NCAM1: variants seen among roughly 807,000 people sequenced by gnomAD.
NCAM1 encodes antigen recognized by monoclonal antibody 5.1H11.
Under a neutral mutation model 109.8 loss-of-function variants are expected in NCAM1, and 14 were observed. That is an observed-to-expected ratio of 0.13 (90% confidence interval 0.08 to 0.20). The LOEUF (loss-of-function observed/expected upper bound fraction) is 0.20, where lower values mean the gene tolerates loss of function less well. Among genes scored for constraint, NCAM1 ranks in the 10% least tolerant of loss-of-function variants. The pLI is 1.00. For missense variants in NCAM1, 774 were observed against 1,109.9 expected (o/e 0.70, Z 4.30); for synonymous variants, 418 against 442.9 (o/e 0.94, Z 0.70).
chr11:113,167,543 TA>T (rs113240328), intron 1 of NCAM1, among the ~76,000 whole-genome samples: 62 of 143,900 alleles, frequency 4.3e-4, no homozygotes, highest in East Asian at 2.7e-3. Context: ...TTTTTTTAAT[TA>T]AAAAAAAAAA....
chr11:113,267,784 C>T (rs1181091109), intron 17 of NCAM1, among the ~76,000 whole-genome samples: 2 of 152,324 alleles, frequency 1.3e-5, no homozygotes, highest in Admixed American at 6.5e-5. Flanking sequence ...GTGCCAGTGC[C>T]GCCCTCCAGC....
intron 1 of NCAM1, among the ~76,000 whole-genome samples, chr11:112,981,119 GTATCT>G (rs1951144098): frequency 6.6e-6 from 1 of 151,724 alleles, no homozygotes; most frequent in Non-Finnish European, 1.5e-5. Flanking sequence ...TACTACAGTA[GTATCT>G]TATGTTGTAT....
chr11:113,173,552 G>A, intron 1 of NCAM1, among the ~76,000 whole-genome samples: 1 of 145,942 alleles, frequency 6.9e-6, no homozygotes, highest in African/African-American at 2.5e-5. Context: ...ACTTCATTAT[G>A]GGAGTGGAAA....
intron 14 of NCAM1, among the ~76,000 whole-genome samples, chr11:113,241,545 C>T (rs1945326270): frequency 6.6e-6 from 1 of 152,192 alleles, no homozygotes; most frequent in Admixed American, 6.5e-5. Context: ...ATCATTACCA[C>T]CAAGCCAGCA....
intron 1 of NCAM1, among the ~76,000 whole-genome samples, chr11:113,099,417 C>T (rs891574445): frequency 1.3e-5 from 2 of 152,190 alleles, no homozygotes; most frequent in East Asian, 3.9e-4. Context: ...TATCACTCCA[C>T]GGTTGCATAA....
intron 1 of NCAM1, among the ~76,000 whole-genome samples, chr11:113,194,532 G>T (rs2136771948): frequency 6.6e-6 from 1 of 152,106 alleles, no homozygotes; most frequent in East Asian, 1.9e-4. Flanking sequence ...AGAGCCCAAG[G>T]GTCTCCTTCA....
At chr11:113,170,579 A>G (rs1224673322) in intron 1 of NCAM1, among the ~76,000 whole-genome samples, 1 of 152,088 alleles carries the variant, frequency 6.6e-6, no homozygotes, top group South Asian at 2.1e-4. Flanking sequence ...GGTCTTTGGG[A>G]GGGAAGGGAG....
At chr11:112,966,369 A>G (rs1950728280) in intron 1 of NCAM1, among the ~76,000 whole-genome samples, 1 of 152,238 alleles carries the variant, frequency 6.6e-6, no homozygotes, top group Admixed American at 6.5e-5. Context: ...ACTCTGAGCA[A>G]TGCTGTAAGA....
chr11:113,134,831 C>T (rs1941540408), intron 1 of NCAM1, among the ~76,000 whole-genome samples: 1 of 152,144 alleles, frequency 6.6e-6, no homozygotes, highest in Non-Finnish European at 1.5e-5. Flanking sequence ...GTCATGAATT[C>T]AAATCGTGTT....
chr11:113,175,892 G>A (rs183811232), intron 1 of NCAM1, among the ~76,000 whole-genome samples: 1 of 152,322 alleles, frequency 6.6e-6, no homozygotes, highest in Non-Finnish European at 1.5e-5. Context: ...GCAAGAAGTT[G>A]ATGAGAGGGT....
chr11:113,149,386 A>T (rs1942141858), intron 1 of NCAM1, among the ~76,000 whole-genome samples: 1 of 152,172 alleles, frequency 6.6e-6, no homozygotes, highest in South Asian at 2.1e-4. Context: ...CAAAAAACCC[A>T]CTGGGAAACC....
intron 1 of NCAM1, among the ~76,000 whole-genome samples, chr11:113,104,213 G>GGT: frequency 7.8e-6 from 1 of 127,450 alleles, no homozygotes; most frequent in Middle Eastern, 4.2e-3. Context: ...GGGGTGGGGG[G>GGT]GGGGGCGGGG....
chr11:113,045,176 G>A (rs1253043699), intron 1 of NCAM1, among the ~76,000 whole-genome samples: 1 of 152,218 alleles, frequency 6.6e-6, no homozygotes, highest in African/African-American at 2.4e-5. Context: ...CGAGGAAGAT[G>A]ACAATTGGTT....
At chr11:113,215,938 T>G (rs1555114315) in intron 8 of NCAM1, among the ~76,000 whole-genome samples, 1 of 152,200 alleles carries the variant, frequency 6.6e-6, no homozygotes, top group East Asian at 1.9e-4. Flanking sequence ...AGCTTAAAAG[T>G]AGATTTTTGT....
chr11:113,058,263 A>C (rs1035194429), intron 1 of NCAM1, among the ~76,000 whole-genome samples: 1 of 152,118 alleles, frequency 6.6e-6, no homozygotes, highest in Non-Finnish European at 1.5e-5. Flanking sequence ...CAGCCCTGGC[A>C]ACAGTGCAAG....
Position 113,233,489 on chromosome 11 carries a change from G to C in NCAM1, c.1693+172G>C, listed in dbSNP as rs1555117721. Among the ~76,000 whole-genome samples the C allele has an allele frequency of 6.6e-6, 1 of 152,080 alleles. No homozygotes were observed. Among genetic ancestry groups the C allele is most frequent in the Admixed American group, 6.5e-5 (1 of 15,282 alleles). On this transcript the variant is annotated intron_variant, in intron 13 of 19. Transcript: ENST00000316851. This position sits in a 1 kb window ranked among gnomAD's most constrained non-coding sequence, Gnocchi z 4.5. ...TGCCCCTATTGCCACCCCAACCCAT[G>C]CTCTGTGCTTCAGAGCCTGGTTCTC...
chr11:113,232,961 C>A, intron 12 of NCAM1, 147 bp downstream of exon 12: 2 of 961,714 alleles, frequency 2.1e-6, no homozygotes, highest in Non-Finnish European at 3.1e-6. Context: ...AAGCTGGGAG[C>A]CATTGGATCA....
intron 15 of NCAM1, among the ~76,000 whole-genome samples, chr11:113,250,754 A>C (rs1395866943): frequency 2.0e-5 from 3 of 152,016 alleles, no homozygotes; most frequent in Non-Finnish European, 1.5e-5. Context: ...TCTATGAGGG[A>C]GAAAACAAAG....
chr11:113,099,883 T>G (rs1939789536), intron 1 of NCAM1, among the ~76,000 whole-genome samples: 2 of 152,124 alleles, frequency 1.3e-5, no homozygotes, highest in African/African-American at 4.8e-5. Context: ...GAGACGGGGT[T>G]TCACCATATT....
Sources: allele counts gnomAD v4.1 joint callset (sites outside exome capture counted in the v4.1 genomes callset), GRCh38; gene constraint gnomAD v4.1.1; non-coding constraint Gnocchi (gnomAD v3.1); transcripts MANE v1.5; gene names NCBI Gene and HGNC (gene_info 2026-07-23, HGNC 2026-07-21).